Variants in NOS1AP observed in about 807,000 individuals in gnomAD.
NOS1AP encodes the protein carboxyl-terminal PDZ ligand of neuronal nitric oxide synthase protein.
Under a neutral mutation model 56.2 loss-of-function variants are expected in NOS1AP, and 21 were observed. The observed-to-expected ratio is 0.37, with a 90% CI of 0.26 to 0.54. The LOEUF (loss-of-function observed/expected upper bound fraction) is 0.54. NOS1AP is among the 20% of genes least tolerant of loss of function. The probability of loss-of-function intolerance (pLI) is 0.84; values close to 1 mark genes in which losing one functional copy is unlikely to be tolerated. For missense variants in NOS1AP, 522 were observed against 657.8 expected (o/e 0.79, Z 2.26); for synonymous variants, 270 against 274.6 (o/e 0.98, Z 0.17).
intron 2 of NOS1AP, among the ~76,000 whole-genome samples, chr1:162,161,030 G>T (rs558203262): frequency 2.0e-5 from 3 of 151,914 alleles, no homozygotes; most frequent in Admixed American, 6.6e-5. Context: ...TGGCAATTTC[G>T]TCCCTGAATT....
intron 4 of NOS1AP, among the ~76,000 whole-genome samples, chr1:162,314,006 G>A (rs998255881): frequency 6.6e-6 from 1 of 152,216 alleles, no homozygotes; most frequent in African/African-American, 2.4e-5. Context: ...AGGATTCTTA[G>A]TGTATAGTAG....
rs149696476 is a variant in NOS1AP, at chr1:162,339,604, G to C, written c.454-4231G>C. 7.9e-5 allele frequency among the ~76,000 whole-genome samples: 12 copies of C among 152,270 alleles called. No homozygotes were observed. The East Asian group carries it at 2.3e-3, about 29-fold the overall frequency. On this transcript the variant is annotated intron_variant, in intron 5 of 9. Transcript: ENST00000361897. ...TGTGATCTAGAAGACCCACAGACAA[G>C]CATTCATAAAAACTTCTGGAAGGGA...
chr1:162,213,792 C>T (rs4130865), intron 2 of NOS1AP, among the ~76,000 whole-genome samples: 23 of 152,306 alleles, frequency 1.5e-4, no homozygotes, highest in South Asian at 4.1e-4. Flanking sequence ...AAGGCGCCGC[C>T]GCTCGTGTAG....
intron 5 of NOS1AP, among the ~76,000 whole-genome samples, chr1:162,340,210 A>G (rs929247935): frequency 1.3e-5 from 2 of 152,212 alleles, no homozygotes; most frequent in African/African-American, 4.8e-5. Context: ...GGAGTAAAAT[A>G]AAGGATAAAT....
At chr1:162,121,124 AG>A (rs1648201696) in intron 1 of NOS1AP, among the ~76,000 whole-genome samples, 1 of 130,436 alleles carries the variant, frequency 7.7e-6, no homozygotes, top group African/African-American at 3.1e-5. Context: ...ACTGCATTTG[AG>A]AGGGGTAAAC....
chr1:162,203,165 T>G (rs1406715766), intron 2 of NOS1AP, among the ~76,000 whole-genome samples: 2 of 5,280 alleles, frequency 3.8e-4, no homozygotes, highest in African/African-American at 6.8e-4. Flanking sequence ...AAAAGGCTGT[T>G]TTTTTCCCTA....
At chr1:162,127,481 C>T (rs565346986) in intron 1 of NOS1AP, among the ~76,000 whole-genome samples, 58 of 150,628 alleles carry the variant, frequency 3.9e-4, no homozygotes, top group South Asian at 3.8e-3. Context: ...TGTATTAGTT[C>T]GTTCTTGCAT....
At chr1:162,324,107 T>C (rs1656504131) in intron 4 of NOS1AP, among the ~76,000 whole-genome samples, 2 of 151,868 alleles carry the variant, frequency 1.3e-5, no homozygotes, top group Admixed American at 1.3e-4. Context: ...GTGTGTTCAT[T>C]TTCTCTCTTT....
intron 2 of NOS1AP, among the ~76,000 whole-genome samples, chr1:162,286,329 C>T (rs753616020): frequency 5.9e-5 from 9 of 152,220 alleles, no homozygotes; most frequent in Non-Finnish European, 8.8e-5. Flanking sequence ...TAAAAGGTCC[C>T]GGAGAAGGGA....
intron 4 of NOS1AP, among the ~76,000 whole-genome samples, chr1:162,316,577 G>A (rs1169502823): frequency 6.6e-6 from 1 of 152,228 alleles, no homozygotes; most frequent in African/African-American, 2.4e-5. Flanking sequence ...CTTTGTGTGA[G>A]CAACATGGCT....
intron 2 of NOS1AP, among the ~76,000 whole-genome samples, chr1:162,180,376 C>G (rs1382348329): frequency 6.6e-6 from 1 of 152,146 alleles, no homozygotes; most frequent in Non-Finnish European, 1.5e-5. Context: ...TTCTGAGTAG[C>G]TGGGACCACA....
chr1:162,258,626 G>A (rs1654110609), intron 2 of NOS1AP, among the ~76,000 whole-genome samples: 1 of 152,176 alleles, frequency 6.6e-6, no homozygotes, highest in Admixed American at 6.5e-5. Context: ...ATATACAGTG[G>A]AAATTGCCTG....
At chr1:162,287,313 C>A in intron 2 of NOS1AP, 31 bp from the exon 3 acceptor site, 1 of 1,484,504 alleles carries the variant, frequency 6.7e-7, no homozygotes, top group Non-Finnish European at 9.4e-7. Flanking sequence ...CATCAGATTG[C>A]ACTTTCTTTT....
At chr1:162,280,449 A>G (rs1443782567) in intron 2 of NOS1AP, among the ~76,000 whole-genome samples, 5 of 152,338 alleles carry the variant, frequency 3.3e-5, no homozygotes, top group African/African-American at 1.2e-4. Flanking sequence ...TTGTGGCCCA[A>G]AGTAGTGTTT....
chr1:162,153,780 A>G (rs181221201), intron 1 of NOS1AP, among the ~76,000 whole-genome samples: 1 of 152,344 alleles, frequency 6.6e-6, no homozygotes, highest in Non-Finnish European at 1.5e-5. Context: ...TTTGTGCTGC[A>G]TATTTCTGCA....
chr1:162,174,326 A>G (rs184868068), intron 2 of NOS1AP, among the ~76,000 whole-genome samples: 8 of 149,394 alleles, frequency 5.4e-5, no homozygotes, highest in Admixed American at 2.0e-4. Flanking sequence ...ACCAAACACC[A>G]CATGTTCTCA....
At chr1:162,081,774 A>ATATATATATATATTTTTTT in intron 1 of NOS1AP, among the ~76,000 whole-genome samples, 4 of 44,058 alleles carry the variant, frequency 9.1e-5, no homozygotes, top group African/African-American at 3.1e-4. Flanking sequence ...ATATATATAT[A>ATATATATATATATTTTTTT]TTTTTTTTTT....
intron 2 of NOS1AP, among the ~76,000 whole-genome samples, chr1:162,230,220 G>A (rs1191395902): frequency 6.6e-6 from 1 of 152,162 alleles, no homozygotes; most frequent in East Asian, 1.9e-4. Context: ...GTCCACTGGG[G>A]CGCCAGCAAA....
At chr1:162,173,679 A>C (rs1179181173) in intron 2 of NOS1AP, among the ~76,000 whole-genome samples, 1 of 152,206 alleles carries the variant, frequency 6.6e-6, no homozygotes. Flanking sequence ...TCTGACAGCT[A>C]ATATCCAGAA....
Sources: allele counts gnomAD v4.1 joint callset (sites outside exome capture counted in the v4.1 genomes callset), GRCh38; gene constraint gnomAD v4.1.1; transcripts MANE v1.5; gene names NCBI Gene and HGNC (gene_info 2026-07-23, HGNC 2026-07-21).